Variants in CBX5 observed in about 807,000 individuals in gnomAD.
CBX5 encodes the protein chromobox 5, also known as chromobox protein homolog 5.
CBX5 carries 7 observed loss-of-function variants against 20.7 expected under a neutral mutation model. That is an observed-to-expected ratio of 0.34 (90% confidence interval 0.19 to 0.63). The LOEUF is 0.63. CBX5 is among the 30% of genes least tolerant of loss of function. The pLI, the probability that CBX5 is intolerant of heterozygous loss-of-function variation, is 0.75. For missense variants in CBX5, 110 were observed against 224.1 expected (o/e 0.49, Z 3.25); for synonymous variants, 78 against 77.0 (o/e 1.01, Z -0.07).
At chr12:54,276,042 TTTA>T (rs1944062975) in intron 1 of CBX5, among the ~76,000 whole-genome samples, 1 of 152,036 alleles carries the variant, frequency 6.6e-6, no homozygotes, top group East Asian at 1.9e-4. Context: ...TTGCAATATT[TTTA>T]TTGTTTTCCC....
chr12:54,265,552 G>T (rs1943948993), intron 1 of CBX5, among the ~76,000 whole-genome samples: 1 of 152,212 alleles, frequency 6.6e-6, no homozygotes. Context: ...TTCAAGAGGA[G>T]TTAAAAGCTT....
rs1943624554 is a variant in CBX5, at chr12:54,236,551, C to T, written c.*5204G>A. ...GTAAAGGTAGCATGAAACTGCAATA[C>T]ACTGGCTCCAGACCTTTCCTCTCTG... On this transcript the variant is annotated 3_prime_UTR_variant, in exon 5 of 5. Transcript: ENST00000209875. The T allele has an allele frequency of 6.6e-6, 1 of 152,206 alleles. No homozygotes were observed. The highest frequency in any genetic ancestry group is 1.5e-5 in the Non-Finnish European group (1 of 68,026). The allele number at this position is 152,206 out of a possible 1,614,324, so 9.4% of individuals were successfully genotyped here. A position where few individuals can be genotyped will look rare whatever the true frequency, so the allele number is the denominator to read the frequency against.
At chr12:54,279,245 AT>A (rs1050555414) in intron 1 of CBX5, among the ~76,000 whole-genome samples, 2 of 152,064 alleles carry the variant, frequency 1.3e-5, no homozygotes, top group African/African-American at 4.8e-5. Context: ...TCGTTCTAAC[AT>A]TTTAACAGTC....
chr12:54,240,021 G>A lies in CBX5; in HGVS notation c.*1734C>T, dbSNP rs1393481545. On this transcript the variant is annotated 3_prime_UTR_variant, in exon 5 of 5. Coordinates refer to ENST00000209875, the MANE Select transcript of CBX5 (RefSeq NM_012117.3). Reference sequence around the variant, plus strand: ...GATGCTCCTGGCCAGACAGCTGTATGTTTTAAAAATCAAAAACAACAAGAA... The same window carrying A: ...GATGCTCCTGGCCAGACAGCTGTATATTTTAAAAATCAAAAACAACAAGAA... 1 of 152,174 alleles carries A rather than the reference G, an allele frequency of 6.6e-6. No individual in the cohort carries two copies. The highest frequency in any genetic ancestry group is 1.5e-5 in the Non-Finnish European group (1 of 68,020). 9.4% of individuals were successfully genotyped at this position (152,174 alleles called of 1,614,324 possible).
intron 3 of CBX5, among the ~76,000 whole-genome samples, chr12:54,251,224 G>GC (rs895409102): frequency 6.6e-6 from 1 of 152,020 alleles, no homozygotes; most frequent in Non-Finnish European, 1.5e-5. Flanking sequence ...ACTTTGGGAG[G>GC]CCAAGGCAGG....
intron 1 of CBX5, among the ~76,000 whole-genome samples, chr12:54,266,587 A>G (rs1383161200): frequency 6.6e-6 from 1 of 152,102 alleles, no homozygotes; most frequent in Non-Finnish European, 1.5e-5. Context: ...ATATATACAC[A>G]TTCTAAATGA....
At chr12:54,264,486 A>G (rs1445437753) in intron 1 of CBX5, among the ~76,000 whole-genome samples, 1 of 152,136 alleles carries the variant, frequency 6.6e-6, no homozygotes, top group African/African-American at 2.4e-5. Context: ...TTTCATTTTC[A>G]TCACCACTTA....
Position 54,239,258 on chromosome 12 carries a change from T to C in CBX5, c.*2497A>G, listed in dbSNP as rs942772077. 6.6e-6 allele frequency: 1 copy of C among 152,250 alleles called. No homozygotes were observed. Among genetic ancestry groups the C allele is most frequent in the Non-Finnish European group, 1.5e-5 (1 of 68,048 alleles). The allele number at this position is 152,250 out of a possible 1,614,324, so 9.4% of individuals were successfully genotyped here. A position where few individuals can be genotyped will look rare whatever the true frequency, so the allele number is the denominator to read the frequency against. ...TAAAAGAATATCAGATTTTTATGAA[T>C]GTCTTAAATATTACCTATAACCACA... On this transcript the variant is annotated 3_prime_UTR_variant, in exon 5 of 5. Transcript: ENST00000209875.
chr12:54,250,110 T>C (rs1018690176), intron 3 of CBX5, among the ~76,000 whole-genome samples: 1 of 151,964 alleles, frequency 6.6e-6, no homozygotes, highest in Non-Finnish European at 1.5e-5. Context: ...TAATCCCAAC[T>C]ACTCTGGAAG....
In CBX5 at chr12:54,278,384, CAAAT is replaced by C. The variant is rs922206903; in HGVS notation, c.-43+1620_-43+1623del. Among the ~76,000 whole-genome samples the C allele has an allele frequency of 1.9e-3, 294 of 152,288 alleles. 2 individuals carry two copies. The highest frequency in any genetic ancestry group is 6.8e-3 in the African/African-American group (284 of 41,558). ...AGCAACTCCATTACTAGCATACCTA[CAAAT>C]AGGTTTACAGCCAGGTATAAATTAT... On this transcript the variant is annotated intron_variant, in intron 1 of 4. Transcript: ENST00000209875.
At chr12:54,242,135 T>C (rs890948811) in intron 4 of CBX5, among the ~76,000 whole-genome samples, 17 of 152,178 alleles carry the variant, frequency 1.1e-4, no homozygotes, top group Non-Finnish European at 2.1e-4. Context: ...ATGTAAACCA[T>C]GGTGGGCTTA....
rs1943666401 is a variant in CBX5, at chr12:54,240,532, A to G, written c.*1223T>C. 1 of 152,092 alleles carries G rather than the reference A, an allele frequency of 6.6e-6. No individual in the cohort carries two copies. Among genetic ancestry groups the G allele is most frequent in the African/African-American group, 2.4e-5 (1 of 41,412 alleles). 9.4% of individuals were successfully genotyped at this position (152,092 alleles called of 1,614,324 possible). A position where few individuals can be genotyped will look rare whatever the true frequency, so the allele number is the denominator to read the frequency against. ...GGTAGCCACTGTGCCTGGCCATGAA[A>G]ATTCATTTTAAAAAATAAGATACAA... On this transcript the variant is annotated 3_prime_UTR_variant, in exon 5 of 5. Coordinates refer to ENST00000209875, the MANE Select transcript of CBX5 (RefSeq NM_012117.3).
chr12:54,274,459 G>A (rs1213685626), intron 1 of CBX5: 1 of 152,196 alleles, frequency 6.6e-6, no homozygotes, highest in Non-Finnish European at 1.5e-5. Flanking sequence ...GGTATCTCAT[G>A]TTGTAATTTA....
chr12:54,278,581 T>TA (rs1233945894), intron 1 of CBX5: 1 of 152,238 alleles, frequency 6.6e-6, no homozygotes, highest in Non-Finnish European at 1.5e-5. Context: ...TGATCCTGAA[T>TA]AAATTATTGA....
chr12:54,268,598 G>A (rs1323228105), intron 1 of CBX5, among the ~76,000 whole-genome samples: 1 of 152,162 alleles, frequency 6.6e-6, no homozygotes, highest in Non-Finnish European at 1.5e-5. Flanking sequence ...CTCTAAAATT[G>A]GTTGATTATG....
At position 54,233,620 on chromosome 12, in the gene CBX5, T is replaced by TC. The variant is rs1165982875; in HGVS notation, c.*8134dup. 2.0e-5 allele frequency: 3 copies of TC among 152,184 alleles called. No homozygotes were observed. Among genetic ancestry groups the TC allele is most frequent in the African/African-American group, 7.2e-5 (3 of 41,430 alleles). The allele number at this position is 152,184 out of a possible 1,614,324, so 9.4% of individuals were successfully genotyped here. The stretch of plus-strand genomic sequence containing the variant: ...CAACAGAAACTCAAAAGATGATTTA[T>TC]CAACACATACAGTAAAATGTTCACT... On this transcript the variant is annotated 3_prime_UTR_variant, in exon 5 of 5. Coordinates refer to ENST00000209875, the MANE Select transcript of CBX5 (RefSeq NM_012117.3).
intron 1 of CBX5, among the ~76,000 whole-genome samples, chr12:54,277,748 T>G (rs1051990381): frequency 6.6e-6 from 1 of 152,218 alleles, no homozygotes; most frequent in Admixed American, 6.5e-5. Context: ...CAAAGGCCAC[T>G]CCCTAAACAT....
intron 1 of CBX5, chr12:54,272,264 GAAAT>G (rs1468045545): frequency 6.6e-6 from 1 of 152,076 alleles, no homozygotes; most frequent in East Asian, 1.9e-4. Context: ...CTCCACAGAA[GAAAT>G]AAATAATGAG....
chr12:54,270,335 G>T (rs953926418), intron 1 of CBX5, among the ~76,000 whole-genome samples: 1 of 152,118 alleles, frequency 6.6e-6, no homozygotes, highest in Admixed American at 6.6e-5. Context: ...AAGTGCAGTG[G>T]CAGGATCATA....
Sources: allele counts gnomAD v4.1 joint callset (sites outside exome capture counted in the v4.1 genomes callset), GRCh38; gene constraint gnomAD v4.1.1; transcripts MANE v1.5; gene names NCBI Gene and HGNC (gene_info 2026-07-23, HGNC 2026-07-21).